SH3KBP1: variants seen among roughly 807,000 people sequenced by gnomAD.
SH3KBP1 encodes SH3 domain-containing kinase-binding protein 1.
SH3KBP1 carries 8 observed loss-of-function variants against 50.1 expected under a neutral mutation model. The observed-to-expected ratio is 0.16, with a 90% CI of 0.09 to 0.29. The LOEUF is 0.29. Among genes scored for constraint, SH3KBP1 ranks in the 10% least tolerant of loss-of-function variants. The pLI is 1.00. For missense variants in SH3KBP1, 377 were observed against 535.2 expected (o/e 0.70, Z 2.92); for synonymous variants, 227 against 218.6 (o/e 1.04, Z -0.34).
At chrX:19,663,278 T>C (rs183358636) in intron 6 of SH3KBP1, among the ~76,000 whole-genome samples, 49 of 112,024 alleles carry the variant, frequency 4.4e-4, no homozygotes, top group Middle Eastern at 4.6e-3. Flanking sequence ...GCTTCTTAAA[T>C]GGTGCTTTTC....
chrX:19,824,817 C>T (rs2067629696), intron 2 of SH3KBP1, among the ~76,000 whole-genome samples: 1 of 111,885 alleles, frequency 8.9e-6, no homozygotes, highest in African/African-American at 3.3e-5. Context: ...ACCACATTTT[C>T]TGCACTACAA....
chrX:19,646,196 A>G (rs758984647), intron 6 of SH3KBP1, among the ~76,000 whole-genome samples: 3 of 112,093 alleles, frequency 2.7e-5, no homozygotes, highest in Non-Finnish European at 5.6e-5. Flanking sequence ...ACTAGTTCAA[A>G]AAAAGAAAGA....
chrX:19,886,178 G>A (rs1257070894), intron 1 of SH3KBP1, among the ~76,000 whole-genome samples: 3 of 112,113 alleles, frequency 2.7e-5, no homozygotes, highest in Non-Finnish European at 5.6e-5. Context: ...GACCACAAAT[G>A]GGATTTTAAC....
chrX:19,807,318 A>G (rs1373705305), intron 2 of SH3KBP1, among the ~76,000 whole-genome samples: 1 of 112,137 alleles, frequency 8.9e-6, no homozygotes, highest in Non-Finnish European at 1.9e-5. Context: ...TGACAGCAAC[A>G]CAATTGTAAA....
chrX:19,607,867 C>G, intron 9 of SH3KBP1, 71 bp downstream of exon 9: 1 of 907,554 alleles, frequency 1.1e-6, no homozygotes, highest in East Asian at 3.1e-5. Flanking sequence ...AACATTACAC[C>G]AAACTTCCCC....
intron 8 of SH3KBP1, among the ~76,000 whole-genome samples, chrX:19,628,398 G>C (rs978480233): frequency 2.7e-5 from 3 of 111,167 alleles, no homozygotes; most frequent in Non-Finnish European, 3.8e-5. Flanking sequence ...TGTGAGGTCA[G>C]CTTTATGGCC....
At chrX:19,580,005 C>A (rs2066320198) in intron 12 of SH3KBP1, among the ~76,000 whole-genome samples, 1 of 111,755 alleles carries the variant, frequency 8.9e-6, no homozygotes, top group Admixed American at 9.5e-5. Context: ...TGTTTAAACT[C>A]TCCACACCTG....
chrX:19,719,293 C>T (rs967843724), intron 3 of SH3KBP1, among the ~76,000 whole-genome samples: 1 of 111,143 alleles, frequency 9.0e-6, no homozygotes, highest in East Asian at 2.8e-4. Context: ...TATGTGGACC[C>T]CAGGTGCCAT....
At chrX:19,851,519 T>C (rs2068508796) in intron 1 of SH3KBP1, among the ~76,000 whole-genome samples, 1 of 112,039 alleles carries the variant, frequency 8.9e-6, no homozygotes, top group Admixed American at 9.4e-5. Flanking sequence ...TAGTAGGAAC[T>C]TCATAAATGT....
At chrX:19,666,797 C>CA (rs1320459456) in intron 6 of SH3KBP1, among the ~76,000 whole-genome samples, 2 of 111,318 alleles carry the variant, frequency 1.8e-5, no homozygotes, top group Non-Finnish European at 3.8e-5. Flanking sequence ...GCAGTTCCCC[C>CA]AAAAATTTAA....
chrX:19,597,091 C>T (rs1015265995), intron 9 of SH3KBP1, among the ~76,000 whole-genome samples: 5 of 111,558 alleles, frequency 4.5e-5, no homozygotes, highest in African/African-American at 6.5e-5. Context: ...TCACTATCTA[C>T]GGCAGCTATA....
At chrX:19,662,660 C>T (rs2062491629) in intron 6 of SH3KBP1, among the ~76,000 whole-genome samples, 1 of 111,312 alleles carries the variant, frequency 9.0e-6, no homozygotes, top group South Asian at 3.8e-4. Context: ...TGAGGTTCCA[C>T]TTTTTTTCTC....
intron 2 of SH3KBP1, among the ~76,000 whole-genome samples, chrX:19,809,737 G>A (rs774944919): frequency 8.9e-6 from 1 of 111,923 alleles, no homozygotes; most frequent in African/African-American, 3.2e-5. Context: ...TAATGCATGT[G>A]CCAGCAGACC....
At chrX:19,568,127 C>T (rs1416046705) in intron 13 of SH3KBP1, among the ~76,000 whole-genome samples, 1 of 110,115 alleles carries the variant, frequency 9.1e-6, no homozygotes, top group Non-Finnish European at 1.9e-5. Flanking sequence ...GGTGGGGAGG[C>T]GGTGGGGATG....
At chrX:19,820,286 T>A (rs928365259) in intron 2 of SH3KBP1, among the ~76,000 whole-genome samples, 1 of 112,255 alleles carries the variant, frequency 8.9e-6, no homozygotes, top group African/African-American at 3.2e-5. Context: ...AGTAATTCTG[T>A]CAAGTGCTGA....
intron 1 of SH3KBP1, among the ~76,000 whole-genome samples, chrX:19,878,445 AG>A (rs754183069): frequency 9.5e-6 from 1 of 105,161 alleles, no homozygotes; most frequent in Non-Finnish European, 1.9e-5. Context: ...CTAGGACTAC[AG>A]GTATGTGCCA....
chrX:19,670,839 CAAA>C (rs397973698), intron 6 of SH3KBP1: 1,280 of 972,235 alleles, frequency 1.3e-3, no homozygotes, highest in Admixed American at 3.2e-3. Context: ...ACTCTAAAAG[CAAA>C]AAAAAAAAAA....
chrX:19,873,620 C>T (rs913180375), intron 1 of SH3KBP1, among the ~76,000 whole-genome samples: 8 of 106,548 alleles, frequency 7.5e-5, no homozygotes, highest in East Asian at 2.9e-4. Context: ...TGCAGTGAGC[C>T]GAGATCATGC....
At chrX:19,794,437 C>T (rs1184300398) in intron 2 of SH3KBP1, among the ~76,000 whole-genome samples, 2 of 110,223 alleles carry the variant, frequency 1.8e-5, no homozygotes, top group Admixed American at 9.6e-5. Flanking sequence ...GACATGGTGG[C>T]TCACGCCTGT....
Sources: allele counts gnomAD v4.1 joint callset (sites outside exome capture counted in the v4.1 genomes callset), GRCh38; gene constraint gnomAD v4.1.1; transcripts MANE v1.5; gene names NCBI Gene and HGNC (gene_info 2026-07-23, HGNC 2026-07-21).